MRTFA: variants seen among roughly 807,000 people sequenced by gnomAD.
The protein encoded by MRTFA is myocardin related transcription factor A.
In MRTFA, 20 loss-of-function variants were observed where a neutral mutation model predicts 83.5. The observed-to-expected ratio is 0.24, with a 90% CI of 0.17 to 0.35. The LOEUF (loss-of-function observed/expected upper bound fraction) is 0.35. MRTFA is among the 10% of genes least tolerant of loss of function. The pLI, the probability that MRTFA is intolerant of heterozygous loss-of-function variation, is 1.00. For synonymous variants in MRTFA, 659 were observed against 541.2 expected, an observed-to-expected ratio of 1.22 and a Z score of -3.02; for missense variants, 1,200 against 1,224.7, an observed-to-expected ratio of 0.98 and a Z score of 0.30.
chr22:40,412,102 G>A, intron 14 of MRTFA, 195 bp from the exon 15 acceptor site: 1 of 437,910 alleles, frequency 2.3e-6, no homozygotes, highest in Non-Finnish European at 3.8e-6. Flanking sequence ...ATAAAGAAGT[G>A]ATATCCGGAA....
intron 6 of MRTFA, among the ~76,000 whole-genome samples, chr22:40,430,362 C>T (rs1053390751): frequency 6.6e-6 from 1 of 151,772 alleles, no homozygotes; most frequent in Non-Finnish European, 1.5e-5. Context: ...GTGGCATGTG[C>T]CTGTAGTCCC....
intron 2 of MRTFA, among the ~76,000 whole-genome samples, chr22:40,552,757 G>C (rs1327915437): frequency 4.6e-5 from 7 of 152,190 alleles, no homozygotes; most frequent in African/African-American, 7.2e-5. Flanking sequence ...ATAGCAACGT[G>C]AGAACAGACT....
At chr22:40,491,081 A>G (rs6001937) in intron 3 of MRTFA, among the ~76,000 whole-genome samples, 18,339 of 152,152 alleles carry the variant, frequency 0.12, 1,261 homozygotes, top group East Asian at 0.24. Context: ...GGTGGCTCAC[A>G]CCTGTAATCC....
chr22:40,518,101 T>A (rs982396726), intron 3 of MRTFA, among the ~76,000 whole-genome samples: 1 of 152,284 alleles, frequency 6.6e-6, no homozygotes, highest in African/African-American at 2.4e-5. Flanking sequence ...CCCATTTGGC[T>A]GTTCCTGAGT....
intron 1 of MRTFA, among the ~76,000 whole-genome samples, chr22:40,626,262 G>A (rs1264496467): frequency 2.0e-5 from 3 of 151,750 alleles, no homozygotes; most frequent in Non-Finnish European, 4.4e-5. Context: ...TGGGATTACA[G>A]GCATGGGCTA....
At chr22:40,628,019 TTCC>T (rs1331472636) in intron 1 of MRTFA, among the ~76,000 whole-genome samples, 6 of 152,260 alleles carry the variant, frequency 3.9e-5, no homozygotes, top group African/African-American at 1.4e-4. Flanking sequence ...TATCTAGAAG[TTCC>T]TCTAGAAGCT....
intron 2 of MRTFA, among the ~76,000 whole-genome samples, chr22:40,576,719 A>T (rs1267692868): frequency 6.6e-6 from 1 of 152,204 alleles, no homozygotes; most frequent in Non-Finnish European, 1.5e-5. Flanking sequence ...TTAAAAATAC[A>T]AAACAGCTAG....
At chr22:40,573,232 A>C (rs2055822586) in intron 2 of MRTFA, among the ~76,000 whole-genome samples, 1 of 152,020 alleles carries the variant, frequency 6.6e-6, no homozygotes, top group Non-Finnish European at 1.5e-5. Flanking sequence ...GAAACCACTG[A>C]ATTGTATTTT....
intron 4 of MRTFA, among the ~76,000 whole-genome samples, chr22:40,459,050 C>T (rs1379879311): frequency 6.8e-6 from 1 of 147,890 alleles, no homozygotes. Flanking sequence ...ACTCCAGCCT[C>T]GGCGACAGAG....
intron 3 of MRTFA, among the ~76,000 whole-genome samples, chr22:40,521,329 A>G (rs1386649538): frequency 6.6e-6 from 1 of 152,156 alleles, no homozygotes; most frequent in Non-Finnish European, 1.5e-5. Context: ...TAATTTTGTC[A>G]TTTCAAGAAT....
chr22:40,495,973 G>A (rs769510857), intron 3 of MRTFA, among the ~76,000 whole-genome samples: 19 of 151,800 alleles, frequency 1.3e-4, no homozygotes, highest in African/African-American at 4.4e-4. Context: ...GGCTGAGGCT[G>A]GAGAAGCGCT....
In MRTFA at chr22:40,421,119, G is replaced by A; in HGVS notation, c.928-19C>T. 3 of 1,512,720 alleles carry A rather than the reference G, an allele frequency of 2.0e-6. No individual in the cohort carries two copies. Among genetic ancestry groups the A allele is most frequent in the Non-Finnish European group, 2.7e-6 (3 of 1,130,192 alleles). 93.7% of individuals were successfully genotyped at this position (1,512,720 alleles called of 1,614,324 possible). On this transcript the variant is annotated intron_variant, in intron 9 of 14. Coordinates refer to ENST00000355630, the MANE Select transcript of MRTFA (RefSeq NM_020831.6). ...GGCTTTGCTGAGGGCACAGGAGACA[G>A]GGTGCCATTCAGGGGCAGCCTCAGG...
At chr22:40,538,990 G>GTTTTTT (rs1329210578) in intron 3 of MRTFA, among the ~76,000 whole-genome samples, 1 of 119,326 alleles carries the variant, frequency 8.4e-6, no homozygotes, top group Non-Finnish European at 1.6e-5. Context: ...ACAGCCTTTT[G>GTTTTTT]TTTTTTTTTT....
At chr22:40,419,566 G>T (rs923649058) in intron 11 of MRTFA, among the ~76,000 whole-genome samples, 182 bp from the exon 12 acceptor site, 3 of 152,176 alleles carry the variant, frequency 2.0e-5, no homozygotes, top group South Asian at 4.1e-4. Context: ...CTCTTTCATT[G>T]TTCTCACTCT....
At chr22:40,609,482 CAAAAAAAA>C (rs148106089) in intron 1 of MRTFA, among the ~76,000 whole-genome samples, 17 of 69,720 alleles carry the variant, frequency 2.4e-4, no homozygotes, top group African/African-American at 9.5e-4. Context: ...GTCTCTTTAA[CAAAAAAAA>C]AAAAAAAAAA....
chr22:40,525,242 T>C (rs1357481402), intron 3 of MRTFA, among the ~76,000 whole-genome samples: 1 of 152,212 alleles, frequency 6.6e-6, no homozygotes, highest in African/African-American at 2.4e-5. Context: ...AAGTTATTCA[T>C]ATTCTGGTGT....
chr22:40,440,690 C>T (rs1022138089), intron 4 of MRTFA, among the ~76,000 whole-genome samples: 1 of 152,002 alleles, frequency 6.6e-6, no homozygotes, highest in African/African-American at 2.4e-5. Context: ...GTGTGTGTCC[C>T]GCCAGCTTTG....
chr22:40,582,265 C>T (rs918676185), intron 2 of MRTFA, among the ~76,000 whole-genome samples: 6 of 152,178 alleles, frequency 3.9e-5, no homozygotes, highest in African/African-American at 1.4e-4. Context: ...CTTTTCATTG[C>T]CAAATAATAT....
chr22:40,568,575 G>A (rs935724944), intron 2 of MRTFA, among the ~76,000 whole-genome samples: 1 of 152,134 alleles, frequency 6.6e-6, no homozygotes, highest in East Asian at 1.9e-4. Context: ...CAAATAAAAT[G>A]CAACAGATAT....
Sources: allele counts gnomAD v4.1 joint callset (sites outside exome capture counted in the v4.1 genomes callset), GRCh38; gene constraint gnomAD v4.1.1; transcripts MANE v1.5; gene names NCBI Gene and HGNC (gene_info 2026-07-23, HGNC 2026-07-21).